Variants in ZMAT4 observed in about 807,000 individuals in gnomAD.
The protein encoded by ZMAT4 is zinc finger matrin-type protein 4.
Under a neutral mutation model 28.7 loss-of-function variants are expected in ZMAT4, and 17 were observed. That is an observed-to-expected ratio of 0.59 (90% CI 0.41 to 0.89). The LOEUF is 0.89. Ranked by LOEUF, ZMAT4 falls within the 40% of genes least tolerant of loss-of-function variation. ZMAT4 has a pLI of 0.00. For synonymous variants in ZMAT4, 117 were observed against 109.2 expected (o/e 1.07, Z -0.44); for missense variants, 240 against 283.8 (o/e 0.85, Z 1.11).
chr8:40,756,382 A>G (rs1812680301), intron 3 of ZMAT4, among the ~76,000 whole-genome samples: 1 of 142,996 alleles, frequency 7.0e-6, no homozygotes, highest in African/African-American at 2.6e-5. Context: ...TTATAAATGC[A>G]CACATGTTTT....
At chr8:40,820,779 A>ATATGCGTGTGTG (rs1815758301) in intron 2 of ZMAT4, among the ~76,000 whole-genome samples, 2 of 2,474 alleles carry the variant, frequency 8.1e-4, no homozygotes, top group Admixed American at 2.8e-3. Context: ...ATATGTGTTT[A>ATATGCGTGTGTG]TGGGTGTGTC....
intron 5 of ZMAT4, among the ~76,000 whole-genome samples, chr8:40,667,342 G>C (rs1299427949): frequency 6.6e-6 from 1 of 152,010 alleles, no homozygotes; most frequent in Non-Finnish European, 1.5e-5. Context: ...TTTTAGTAGA[G>C]ACAGGGTTTC....
At chr8:40,549,544 G>T (rs1211003088) in intron 6 of ZMAT4, among the ~76,000 whole-genome samples, 2 of 152,122 alleles carry the variant, frequency 1.3e-5, no homozygotes, top group Non-Finnish European at 2.9e-5. Flanking sequence ...CTCCTATCTA[G>T]TGTCCAAGCC....
chr8:40,591,589 A>T (rs778971327), intron 5 of ZMAT4, among the ~76,000 whole-genome samples: 1 of 149,472 alleles, frequency 6.7e-6, no homozygotes, highest in Non-Finnish European at 1.5e-5. Context: ...TTATTCTTCT[A>T]GCAGGCCCAT....
intron 1 of ZMAT4, among the ~76,000 whole-genome samples, chr8:40,832,437 C>G (rs1453069804): frequency 6.6e-6 from 1 of 152,188 alleles, no homozygotes; most frequent in African/African-American, 2.4e-5. Context: ...CTGCTGCCCT[C>G]CAACGTGGCC....
chr8:40,697,235 C>T lies in ZMAT4; in HGVS notation c.349+10G>A, dbSNP rs1437855237. The stretch of plus-strand genomic sequence containing the variant: ...CAGGGTCTCCCCACGATCACTGTTC[C>T]TGCACGTACCTGTGGTCTTTAATGG... On this transcript the variant is annotated intron_variant, in intron 4 of 6. Transcript: ENST00000297737. The T allele has an allele frequency of 6.3e-7, 1 of 1,597,070 alleles. No homozygotes were observed. Among genetic ancestry groups the T allele is most frequent in the Admixed American group, 1.7e-5 (1 of 58,156 alleles).
intron 5 of ZMAT4, among the ~76,000 whole-genome samples, chr8:40,633,974 T>C (rs1806695758): frequency 6.6e-6 from 1 of 152,178 alleles, no homozygotes; most frequent in Admixed American, 6.5e-5. Flanking sequence ...TGACATCTCC[T>C]GGGAAGTCAG....
rs575549199 is a variant in ZMAT4 at position 40,764,020 on chromosome 8, T to C, written c.192+3621A>G. ...AAAACCCAGGTAAAACTAAATCACC[T>C]TTTTTACTTAAAAATGCTGTTTCCC... On this transcript the variant is annotated intron_variant, in intron 3 of 6. Transcript: ENST00000297737. Among the ~76,000 whole-genome samples, 158 of 152,148 alleles carry C rather than the reference T, an allele frequency of 1.0e-3. 1 individual carries two copies. The highest frequency in any genetic ancestry group is 3.7e-3 in the African/African-American group (152 of 41,550).
chr8:40,562,609 G>A (rs1803784124), intron 6 of ZMAT4, among the ~76,000 whole-genome samples: 1 of 151,954 alleles, frequency 6.6e-6, no homozygotes, highest in South Asian at 2.1e-4. Flanking sequence ...TCATACAGGG[G>A]CACACTGGTA....
chr8:40,833,551 A>AAAAAAAAAAAAAAAAAAC (rs1816367222), intron 1 of ZMAT4, among the ~76,000 whole-genome samples: 1 of 151,312 alleles, frequency 6.6e-6, no homozygotes, highest in Non-Finnish European at 1.5e-5. Flanking sequence ...AAAAAAAAAA[A>AAAAAAAAAAAAAAAAAAC]AAAAAAAGAC....
intron 2 of ZMAT4, among the ~76,000 whole-genome samples, chr8:40,788,756 G>C (rs1814193268): frequency 6.9e-6 from 1 of 145,924 alleles, no homozygotes. Context: ...TCAAAAACAA[G>C]GACATTACAA....
At chr8:40,747,828 A>G (rs1812301456) in intron 3 of ZMAT4, among the ~76,000 whole-genome samples, 1 of 152,214 alleles carries the variant, frequency 6.6e-6, no homozygotes, top group South Asian at 2.1e-4. Context: ...GGGGTTGCTA[A>G]TGCCAACCAG....
chr8:40,814,097 A>G (rs1815437069), intron 2 of ZMAT4, among the ~76,000 whole-genome samples: 1 of 150,756 alleles, frequency 6.6e-6, no homozygotes. Context: ...CATTCGTAGG[A>G]TCCTCTGAGA....
chr8:40,666,206 A>G (rs1808408195), intron 5 of ZMAT4, among the ~76,000 whole-genome samples: 1 of 152,188 alleles, frequency 6.6e-6, no homozygotes, highest in Non-Finnish European at 1.5e-5. Flanking sequence ...CCTCTAAAGT[A>G]CTTTCAGACC....
chr8:40,629,505 A>G (rs933715680), intron 5 of ZMAT4, among the ~76,000 whole-genome samples: 10 of 151,054 alleles, frequency 6.6e-5, no homozygotes, highest in African/African-American at 2.4e-4. Flanking sequence ...TGCTGCACCC[A>G]TTAACTCGTC....
At chr8:40,619,736 T>C (rs1332767104) in intron 5 of ZMAT4, among the ~76,000 whole-genome samples, 1 of 152,192 alleles carries the variant, frequency 6.6e-6, no homozygotes, top group African/African-American at 2.4e-5. Context: ...GCATCAGCTA[T>C]GCACCATGAC....
At chr8:40,682,038 C>CTA (rs1043440889) in intron 4 of ZMAT4, among the ~76,000 whole-genome samples, 4 of 151,956 alleles carry the variant, frequency 2.6e-5, no homozygotes, top group African/African-American at 9.7e-5. Flanking sequence ...ACTACTATTA[C>CTA]TATATATATG....
At chr8:40,721,116 T>C (rs1022203442) in intron 3 of ZMAT4, among the ~76,000 whole-genome samples, 8 of 130,688 alleles carry the variant, frequency 6.1e-5, no homozygotes, top group Admixed American at 3.9e-4. Context: ...CTCCCAATGC[T>C]ATCCCTCCCC....
chr8:40,551,484 C>T (rs998958380), intron 6 of ZMAT4, among the ~76,000 whole-genome samples: 1 of 152,158 alleles, frequency 6.6e-6, no homozygotes, highest in African/African-American at 2.4e-5. Context: ...GTAGTGGTTA[C>T]ATGGTTATTA....
Sources: gnomAD v4.1 joint callset for allele counts (sites outside exome capture counted in the v4.1 genomes callset) on GRCh38, gnomAD v4.1.1 for gene constraint, MANE v1.5 for transcripts, NCBI Gene and HGNC (gene_info 2026-07-23, HGNC 2026-07-21) for gene names.